The following ERBB4 variants were observed in gnomAD, a reference collection of about 807,000 sequenced individuals.
ERBB4 encodes erb-b2 receptor tyrosine kinase 4.
In ERBB4, 42 loss-of-function variants were observed where a neutral mutation model predicts 158.0. The observed-to-expected ratio is 0.27, with a 90% CI of 0.21 to 0.34. ERBB4 has a LOEUF of 0.34. Ranked by LOEUF, ERBB4 falls within the 10% of genes least tolerant of loss-of-function variation. ERBB4 has a pLI of 1.00. For missense variants in ERBB4, 1,333 were observed against 1,624.1 expected, an observed-to-expected ratio of 0.82 and a Z score of 3.08; for synonymous variants, 583 against 558.7, an observed-to-expected ratio of 1.04 and a Z score of -0.61.
intron 1 of ERBB4, among the ~76,000 whole-genome samples, chr2:212,240,637 CAAAAAAAAA>C (rs71054188): frequency 0.025 from 898 of 35,680 alleles, 6 homozygotes; most frequent in Middle Eastern, 0.04. Context: ...CACTCTGGCT[CAAAAAAAAA>C]AAAAAAAAAA....
chr2:211,754,340 C>T (rs2075231843), intron 4 of ERBB4, among the ~76,000 whole-genome samples: 1 of 151,998 alleles, frequency 6.6e-6, no homozygotes, highest in African/African-American at 2.4e-5. Context: ...CCAATGCTGT[C>T]CAAATCTTCC....
chr2:212,334,881 C>T (rs529499324), intron 1 of ERBB4, among the ~76,000 whole-genome samples: 45 of 152,006 alleles, frequency 3.0e-4, no homozygotes, highest in African/African-American at 1.0e-3. Flanking sequence ...ATTATAAATA[C>T]GTCTGGGGAC....
At chr2:212,056,205 A>T (rs2077562564) in intron 2 of ERBB4, among the ~76,000 whole-genome samples, 1 of 152,234 alleles carries the variant, frequency 6.6e-6, no homozygotes, top group African/African-American at 2.4e-5. Context: ...TAATGAAATG[A>T]AGTGAGAAGA....
At chr2:212,152,432 G>A (rs2080900921) in intron 1 of ERBB4, among the ~76,000 whole-genome samples, 1 of 152,100 alleles carries the variant, frequency 6.6e-6, no homozygotes, top group Non-Finnish European at 1.5e-5. Flanking sequence ...ATTTTCTGCT[G>A]CCCTCATTTG....
chr2:211,604,379 C>A (rs1385142753), intron 19 of ERBB4, among the ~76,000 whole-genome samples: 1 of 152,144 alleles, frequency 6.6e-6, no homozygotes, highest in Non-Finnish European at 1.5e-5. Flanking sequence ...TGAAATTATG[C>A]CACTGTTCCT....
chr2:211,419,456 G>A (rs1472907424), intron 25 of ERBB4, among the ~76,000 whole-genome samples: 1 of 152,186 alleles, frequency 6.6e-6, no homozygotes, highest in East Asian at 1.9e-4. Flanking sequence ...ATCGGATGCT[G>A]TCGGTTCTAC....
chr2:212,334,090 A>G lies in ERBB4; in HGVS notation c.82+204359T>C, dbSNP rs569940698. Reference sequence around the variant, plus strand: ...ATATTGGTACATGCAGATATAGCATATATAGGAAAAAGACATATGGATGAT... The same window carrying G: ...ATATTGGTACATGCAGATATAGCATGTATAGGAAAAAGACATATGGATGAT... On this transcript the variant is annotated intron_variant, in intron 1 of 27. Coordinates refer to ENST00000342788, the MANE Select transcript of ERBB4 (RefSeq NM_005235.3). Among the ~76,000 whole-genome samples the G allele has an allele frequency of 7.5e-4, 114 of 152,232 alleles. 1 individual carries two copies. Among genetic ancestry groups the G allele is most frequent in the African/African-American group, 2.6e-3 (107 of 41,566 alleles).
chr2:212,537,084 C>A (rs1036895008), intron 1 of ERBB4, among the ~76,000 whole-genome samples: 1 of 151,906 alleles, frequency 6.6e-6, no homozygotes, highest in African/African-American at 2.4e-5. Context: ...ATTCGAAGGT[C>A]ATTTTGAAAG....
chr2:212,519,886 T>C (rs1001311796), intron 1 of ERBB4, among the ~76,000 whole-genome samples: 4 of 151,986 alleles, frequency 2.6e-5, no homozygotes, highest in South Asian at 2.1e-4. Flanking sequence ...TAATTTATTG[T>C]ATATTTTCAA....
At chr2:212,279,169 A>G (rs893318778) in intron 1 of ERBB4, among the ~76,000 whole-genome samples, 1 of 151,530 alleles carries the variant, frequency 6.6e-6, no homozygotes, top group Non-Finnish European at 1.5e-5. Flanking sequence ...AATTAATGAA[A>G]TTTCTCTACA....
At chr2:212,136,992 G>T (rs1430384599) in intron 1 of ERBB4, among the ~76,000 whole-genome samples, 1 of 151,830 alleles carries the variant, frequency 6.6e-6, no homozygotes, top group Non-Finnish European at 1.5e-5. Context: ...ATATAGACTA[G>T]ATTATAAAAT....
rs984593107 is a variant in ERBB4 at position 211,771,364 on chromosome 2, T to C, written c.556+16661A>G. Among the ~76,000 whole-genome samples the C allele has an allele frequency of 2.0e-5, 3 of 152,206 alleles. No individual in the cohort carries two copies. In the East Asian group the frequency reaches 5.8e-4, roughly 29 times the overall value. On this transcript the variant is annotated intron_variant, in intron 4 of 27. Transcript: ENST00000342788. ...AGATTTAAGGTTCATCAGTGGAAAC[T>C]GAATCTAAACATAGTTGAAGGTGGA...
chr2:211,599,346 T>C (rs1165192687), intron 19 of ERBB4, among the ~76,000 whole-genome samples: 1 of 152,166 alleles, frequency 6.6e-6, no homozygotes, highest in East Asian at 1.9e-4. Flanking sequence ...AAGAAATCTC[T>C]GAATGGAAAA....
intron 5 of ERBB4, among the ~76,000 whole-genome samples, chr2:211,730,354 C>T (rs1468800511): frequency 6.6e-6 from 1 of 151,982 alleles, no homozygotes. Flanking sequence ...AGTGACAAGA[C>T]AAAAGATCTC....
chr2:212,374,997 T>C (rs1253555060), intron 1 of ERBB4, among the ~76,000 whole-genome samples: 1 of 152,052 alleles, frequency 6.6e-6, no homozygotes, highest in East Asian at 1.9e-4. Flanking sequence ...TCAATGATTA[T>C]GTAATAAGTC....
chr2:211,865,690 A>C (rs2078186830), intron 3 of ERBB4, among the ~76,000 whole-genome samples: 1 of 152,100 alleles, frequency 6.6e-6, no homozygotes, highest in South Asian at 2.1e-4. Context: ...CATACTTTTT[A>C]ATCAGTTTTT....
intron 3 of ERBB4, among the ~76,000 whole-genome samples, chr2:211,864,558 C>T (rs911685563): frequency 3.3e-5 from 5 of 152,234 alleles, no homozygotes; most frequent in East Asian, 1.9e-4. Context: ...ATTATTATTT[C>T]GAACATAAAA....
intron 1 of ERBB4, among the ~76,000 whole-genome samples, chr2:212,246,913 G>A (rs2084330346): frequency 6.6e-6 from 1 of 152,038 alleles, no homozygotes; most frequent in South Asian, 2.1e-4. Flanking sequence ...CAGTGTTTTT[G>A]GGAATGCCTT....
chr2:211,379,976 G>A lies in ERBB4; in HGVS notation c.*3639C>T. 1 of 232,002 alleles carries A rather than the reference G, an allele frequency of 4.3e-6. No homozygotes were observed. Among genetic ancestry groups the A allele is most frequent in the East Asian group, 6.1e-5 (1 of 16,422 alleles). The allele number at this position is 232,002 out of a possible 1,614,324, so 14.4% of individuals were successfully genotyped here. On this transcript the variant is annotated 3_prime_UTR_variant, in exon 28 of 28. Coordinates refer to ENST00000342788, the MANE Select transcript of ERBB4 (RefSeq NM_005235.3). ...GATTTTTCCTTAGCATTGTAAGTAT[G>A]CACAATCTTCATGCCATGTCTTTCC...
Sources: allele counts gnomAD v4.1 joint callset (sites outside exome capture counted in the v4.1 genomes callset), GRCh38; gene constraint gnomAD v4.1.1; transcripts MANE v1.5; gene names NCBI Gene and HGNC (gene_info 2026-07-23, HGNC 2026-07-21).